SLC37A1: variants seen among roughly 807,000 people sequenced by gnomAD.
The protein encoded by SLC37A1 is glucose-6-phosphate exchanger SLC37A1.
SLC37A1 carries 49 observed loss-of-function variants against 75.3 expected under a neutral mutation model. The ratio of observed to expected loss-of-function variants is 0.65; its 90% CI spans 0.52 to 0.83. The LOEUF (loss-of-function observed/expected upper bound fraction) is 0.83, where lower values mean the gene tolerates loss of function less well. Among genes scored for constraint, SLC37A1 ranks in the 40% least tolerant of loss-of-function variants. SLC37A1 has a pLI of 0.00. For missense variants in SLC37A1, 566 were observed against 695.0 expected (o/e 0.81, Z 2.09); for synonymous variants, 268 against 292.1 (o/e 0.92, Z 0.84).
rs228078 is a variant in SLC37A1, at chr21:42,545,803, C to T, written c.731-1300C>T. Reference sequence around the variant, plus strand: ...GGACCATTGGGACTGCCCAACATGCCGACCATGTGTCCTTGGTCAGTGGCC... The same window carrying T: ...GGACCATTGGGACTGCCCAACATGCTGACCATGTGTCCTTGGTCAGTGGCC... On this transcript the variant is annotated intron_variant, in intron 8 of 19. Coordinates refer to ENST00000352133, the MANE Select transcript of SLC37A1 (RefSeq NM_001320537.2). This position sits in a 1 kb window ranked among gnomAD's most constrained non-coding sequence, Gnocchi z 4.0. Among the ~76,000 whole-genome samples the T allele has an allele frequency of 1.3e-4, 20 of 152,132 alleles. No homozygotes were observed. Among genetic ancestry groups the T allele is most frequent in the Admixed American group, 1.1e-3 (17 of 15,288 alleles).
At chr21:42,562,035 G>GA in intron 11 of SLC37A1, 43 bp from the exon 12 acceptor site, 1 of 1,495,338 alleles carries the variant, frequency 6.7e-7, no homozygotes, top group Non-Finnish European at 9.3e-7. Flanking sequence ...CACACCTGCT[G>GA]ACTCCACATT....
At chr21:42,511,744 A>G (rs2054434748), upstream of SLC37A1, among the ~76,000 whole-genome samples, 2 of 152,180 alleles carry the variant, frequency 1.3e-5, no homozygotes, top group Admixed American at 1.3e-4. Flanking sequence ...TGACCATTGC[A>G]CTCACGCCAC....
At chr21:42,538,529 C>A (rs2055196489) in intron 5 of SLC37A1, among the ~76,000 whole-genome samples, 2 of 152,168 alleles carry the variant, frequency 1.3e-5, no homozygotes, top group South Asian at 2.1e-4. Context: ...GTTTATCTGA[C>A]TCCTAGAATG....
In SLC37A1 at chr21:42,568,310, A is replaced by G. The variant is rs1166091567; in HGVS notation, c.1345-50A>G. 2.0e-6 allele frequency: 3 copies of G among 1,465,048 alleles called. No individual in the cohort carries two copies. The African/African-American group carries it at 4.2e-5, about 20-fold the overall frequency. The allele number at this position is 1,465,048 out of a possible 1,614,324, so 90.8% of individuals were successfully genotyped here. A position where few individuals can be genotyped will look rare whatever the true frequency, so the allele number is the denominator to read the frequency against. ...AATGGTCATACAGAGGCTTAGGTTT[A>G]CTTCTCATGCTGTGGCGATAACTGC... On this transcript the variant is annotated intron_variant, in intron 16 of 19. Coordinates refer to ENST00000352133, the MANE Select transcript of SLC37A1 (RefSeq NM_001320537.2).
intron 3 of SLC37A1, among the ~76,000 whole-genome samples, chr21:42,527,155 G>A (rs1484838374): frequency 6.6e-6 from 1 of 152,150 alleles, no homozygotes; most frequent in Non-Finnish European, 1.5e-5. Flanking sequence ...CTTTACAGGT[G>A]GGAGAACTGC....
At chr21:42,561,160 A>C (rs971641292) in intron 11 of SLC37A1, among the ~76,000 whole-genome samples, 3 of 152,238 alleles carry the variant, frequency 2.0e-5, no homozygotes, top group African/African-American at 7.2e-5. Context: ...ATGACTTGGC[A>C]AAGTAGAGCG....
intron 11 of SLC37A1, among the ~76,000 whole-genome samples, chr21:42,559,722 A>G (rs1031715040): frequency 1.3e-5 from 2 of 152,196 alleles, no homozygotes; most frequent in African/African-American, 4.8e-5. Flanking sequence ...CTAAAAATAC[A>G]AAAATTAGCT....
At chr21:42,518,775 C>T (rs118174327) in intron 2 of SLC37A1, among the ~76,000 whole-genome samples, 5,706 of 152,248 alleles carry the variant, frequency 0.037, 142 homozygotes, top group Middle Eastern at 0.082. Context: ...ACCATGGTCC[C>T]TACAGAAAAA....
At chr21:42,559,343 A>G (rs2055768720) in intron 11 of SLC37A1, among the ~76,000 whole-genome samples, 1 of 151,414 alleles carries the variant, frequency 6.6e-6, no homozygotes, top group African/African-American at 2.4e-5. Flanking sequence ...TCAGGTTCAT[A>G]GAAAAATGGG....
intron 7 of SLC37A1, among the ~76,000 whole-genome samples, chr21:42,543,235 G>C (rs938399744): frequency 6.6e-6 from 1 of 152,274 alleles, no homozygotes; most frequent in African/African-American, 2.4e-5. Context: ...TAGAATGGGT[G>C]ATGGCACAGC....
In SLC37A1 at chr21:42,554,052, T is replaced by C. The variant is rs1335438562; in HGVS notation, c.769-10T>C. ...CAGTATCGCTCTAATGAAACTTTTT[T>C]TTTTACCAGCACTCAAAAGGCTATG... On this transcript the variant is annotated splice_polypyrimidine_tract_variant and intron_variant, in intron 9 of 19. Coordinates refer to ENST00000352133, the MANE Select transcript of SLC37A1 (RefSeq NM_001320537.2). 1.5e-5 allele frequency: 24 copies of C among 1,601,830 alleles called. No individual in the cohort carries two copies. The highest frequency in any genetic ancestry group is 2.0e-5 in the Non-Finnish European group (23 of 1,174,958).
At chr21:42,515,493 A>G (rs1404819228) in intron 1 of SLC37A1, among the ~76,000 whole-genome samples, 2 of 152,202 alleles carry the variant, frequency 1.3e-5, no homozygotes, top group East Asian at 1.9e-4. Context: ...TCCTATCCCC[A>G]TTATTTGAGT....
chr21:42,542,973 A>C (rs2055320086), intron 7 of SLC37A1, among the ~76,000 whole-genome samples: 1 of 152,240 alleles, frequency 6.6e-6, no homozygotes, highest in African/African-American at 2.4e-5. Flanking sequence ...AGGCTTATTT[A>C]TGGTGGACGA....
intron 3 of SLC37A1, among the ~76,000 whole-genome samples, chr21:42,527,014 A>T (rs2088011030): frequency 6.6e-6 from 1 of 152,204 alleles, no homozygotes; most frequent in Non-Finnish European, 1.5e-5. Context: ...AATTATAAAG[A>T]TGGAAGTGAC....
Position 42,568,341 on chromosome 21 carries a change from T to G in SLC37A1, c.1345-19T>G, listed in dbSNP as rs2056033971. On this transcript the variant is annotated intron_variant, in intron 16 of 19. Coordinates refer to ENST00000352133, the MANE Select transcript of SLC37A1 (RefSeq NM_001320537.2). ...CATGCTGTGGCGATAACTGCACGTCTGTTTTTCCTCTCTTCTAGGGGACTC... is the reference window on the plus strand; with the variant it reads ...CATGCTGTGGCGATAACTGCACGTCGGTTTTTCCTCTCTTCTAGGGGACTC... The G allele has an allele frequency of 6.2e-7, 1 of 1,608,524 alleles. No homozygotes were observed. The highest frequency in any genetic ancestry group is 1.3e-5 in the African/African-American group (1 of 74,844).
chr21:42,568,809 GT>G (rs3838117), intron 17 of SLC37A1, among the ~76,000 whole-genome samples: 85,771 of 152,164 alleles, frequency 0.56, 24,841 homozygotes, highest in Admixed American at 0.67. Flanking sequence ...AGGGTTCTGA[GT>G]GTTACCAGCA....
At chr21:42,575,094 A>C (rs770046045) in intron 18 of SLC37A1, 179 bp downstream of exon 18, 7 of 985,486 alleles carry the variant, frequency 7.1e-6, no homozygotes, top group Non-Finnish European at 8.4e-6. Flanking sequence ...AAAAAGTCAG[A>C]AACAGAAGCA....
At chr21:42,534,594 C>T in intron 3 of SLC37A1, 104 bp from the exon 4 acceptor site, 3 of 1,421,984 alleles carry the variant, frequency 2.1e-6, no homozygotes, top group Non-Finnish European at 2.8e-6. Flanking sequence ...GTGCCCTGGG[C>T]AGGCTGCTGG....
Position 42,529,383 on chromosome 21 carries a change from A to G in SLC37A1, c.138+3526A>G, listed in dbSNP as rs552627193. ...TCAGCAGTTCGAGACCAGCCTGACC[A>G]TCTCTACTAAATGTACAAAAGTGAG... On this transcript the variant is annotated intron_variant, in intron 3 of 19. Transcript: ENST00000352133. Among the ~76,000 whole-genome samples, 7 of 152,234 alleles carry G rather than the reference A, an allele frequency of 4.6e-5. No homozygotes were observed. In the East Asian group the frequency reaches 1.2e-3, roughly 25 times the overall value.
Sources: gnomAD v4.1 joint callset for allele counts (sites outside exome capture counted in the v4.1 genomes callset) on GRCh38, gnomAD v4.1.1 for gene constraint, Gnocchi (gnomAD v3.1) non-coding constraint, MANE v1.5 for transcripts, NCBI Gene and HGNC (gene_info 2026-07-23, HGNC 2026-07-21) for gene names.